ITGBL1: variants seen among roughly 807,000 people sequenced by gnomAD.
The protein encoded by ITGBL1 is integrin beta-like protein 1.
In ITGBL1, 51 loss-of-function variants were observed where a neutral mutation model predicts 68.5. That is an observed-to-expected ratio of 0.74 (90% CI 0.59 to 0.94). ITGBL1 has a LOEUF of 0.94. ITGBL1 is among the 40% of genes least tolerant of loss of function. The pLI is 0.00. For missense variants in ITGBL1, 649 were observed against 647.4 expected (o/e 1.00, Z -0.03); for synonymous variants, 209 against 227.3 (o/e 0.92, Z 0.72).
At chr13:101,633,425 T>C (rs779387610) in intron 7 of ITGBL1, among the ~76,000 whole-genome samples, 1 of 152,206 alleles carries the variant, frequency 6.6e-6, no homozygotes, top group Non-Finnish European at 1.5e-5. Context: ...GTTGATTTAC[T>C]GAAATAGGTT....
chr13:101,494,968 C>T (rs1237691481), intron 2 of ITGBL1, among the ~76,000 whole-genome samples: 2 of 152,204 alleles, frequency 1.3e-5, no homozygotes, highest in Middle Eastern at 3.4e-3. Context: ...AATAGGAATG[C>T]GTTAGACCAA....
At chr13:101,600,829 T>A (rs1261549846) in intron 7 of ITGBL1, among the ~76,000 whole-genome samples, 5 of 152,194 alleles carry the variant, frequency 3.3e-5, no homozygotes, top group African/African-American at 4.8e-5. Context: ...GTGTTGCTGG[T>A]TTCGGTTTGC....
intron 7 of ITGBL1, among the ~76,000 whole-genome samples, chr13:101,608,300 T>C (rs2030968019): frequency 6.6e-6 from 1 of 152,062 alleles, no homozygotes; most frequent in East Asian, 1.9e-4. Context: ...TCTTTCCTTT[T>C]TATTGGGAAA....
At chr13:101,619,333 A>G (rs138759676) in intron 7 of ITGBL1, among the ~76,000 whole-genome samples, 34 of 152,150 alleles carry the variant, frequency 2.2e-4, no homozygotes, top group African/African-American at 8.2e-4. Context: ...GGGTGTGCCC[A>G]ATACAATCAC....
chr13:101,671,941 T>G (rs2033389071), intron 7 of ITGBL1, among the ~76,000 whole-genome samples: 1 of 152,132 alleles, frequency 6.6e-6, no homozygotes, highest in Non-Finnish European at 1.5e-5. Context: ...GACTGAGATG[T>G]GATATTTAAG....
At chr13:101,565,993 C>T (rs2050177835) in intron 2 of ITGBL1, among the ~76,000 whole-genome samples, 1 of 151,994 alleles carries the variant, frequency 6.6e-6, no homozygotes, top group South Asian at 2.1e-4. Flanking sequence ...AAATTATTTC[C>T]CATCTCTACT....
chr13:101,544,414 G>A (rs1196974702), intron 2 of ITGBL1, among the ~76,000 whole-genome samples: 1 of 152,186 alleles, frequency 6.6e-6, no homozygotes, highest in African/African-American at 2.4e-5. Flanking sequence ...TCCTCTGGAA[G>A]TTTTGTCTCA....
chr13:101,595,445 C>T (rs111616248), intron 6 of ITGBL1, among the ~76,000 whole-genome samples: 3 of 152,034 alleles, frequency 2.0e-5, no homozygotes, highest in African/African-American at 7.2e-5. Flanking sequence ...TGCATTTCCA[C>T]GTGAGATTTG....
intron 2 of ITGBL1, among the ~76,000 whole-genome samples, chr13:101,531,670 T>G (rs548067488): frequency 1.7e-4 from 26 of 151,332 alleles, no homozygotes; most frequent in African/African-American, 6.3e-4. Flanking sequence ...TGATTTTGAT[T>G]TTTCTTGAAG....
rs191700175 is a variant in ITGBL1, at chr13:101,616,331, C to G, written c.1015+18032C>G. ...TGTATATCCAAGGTAGGATGGGAGT[C>G]TTTATTTGTAAGTAGATCTCCAGTG... On this transcript the variant is annotated intron_variant, in intron 7 of 10. Transcript: ENST00000376180. 3.7e-4 allele frequency among the ~76,000 whole-genome samples: 56 copies of G among 152,156 alleles called. 1 individual carries two copies. The highest frequency in any genetic ancestry group is 8.8e-5 in the Non-Finnish European group (6 of 67,992).
chr13:101,616,766 C>G (rs545101776), intron 7 of ITGBL1, among the ~76,000 whole-genome samples: 47 of 152,306 alleles, frequency 3.1e-4, no homozygotes, highest in African/African-American at 1.1e-3. Flanking sequence ...GCTGGGATTA[C>G]AGGTGTGAGC....
intron 7 of ITGBL1, among the ~76,000 whole-genome samples, chr13:101,683,476 T>G (rs2033688011): frequency 6.6e-6 from 1 of 152,068 alleles, no homozygotes; most frequent in African/African-American, 2.4e-5. Context: ...ATTCCGTAAT[T>G]GATGAACATT....
At chr13:101,670,773 T>C (rs1032992664) in intron 7 of ITGBL1, among the ~76,000 whole-genome samples, 3 of 152,198 alleles carry the variant, frequency 2.0e-5, no homozygotes, top group African/African-American at 7.2e-5. Context: ...GAATTAGGCT[T>C]ATTTAATATG....
chr13:101,595,518 A>C (rs188076084), intron 6 of ITGBL1, among the ~76,000 whole-genome samples: 1 of 152,210 alleles, frequency 6.6e-6, no homozygotes, highest in African/African-American at 2.4e-5. Flanking sequence ...AAATCAAACA[A>C]CCAGATTAAA....
At chr13:101,489,752 C>A (rs976376980) in intron 2 of ITGBL1, among the ~76,000 whole-genome samples, 5 of 151,862 alleles carry the variant, frequency 3.3e-5, no homozygotes, top group African/African-American at 1.2e-4. Context: ...AGGAAAAAAG[C>A]AAAACAAAGC....
intron 7 of ITGBL1, among the ~76,000 whole-genome samples, chr13:101,626,198 G>GACT (rs2031771807): frequency 6.6e-6 from 1 of 151,774 alleles, no homozygotes; most frequent in African/African-American, 2.4e-5. Flanking sequence ...GTGATTTGTA[G>GACT]TCTTCATAGA....
intron 6 of ITGBL1, 71 bp downstream of exon 6, chr13:101,583,427 A>G (rs1189338628): frequency 3.9e-6 from 5 of 1,285,374 alleles, no homozygotes; most frequent in Non-Finnish European, 5.2e-6. Context: ...AAAAAAAAAA[A>G]AAGCAATTAG....
intron 2 of ITGBL1, among the ~76,000 whole-genome samples, chr13:101,525,462 T>C (rs2049358866): frequency 1.1e-5 from 1 of 90,540 alleles, no homozygotes; most frequent in African/African-American, 4.5e-5. Context: ...TACATTTTCA[T>C]CACCTCCTTT....
chr13:101,674,789 T>G (rs938062486), intron 7 of ITGBL1, among the ~76,000 whole-genome samples: 2 of 152,096 alleles, frequency 1.3e-5, no homozygotes, highest in African/African-American at 4.8e-5. Context: ...GCTATTCTAG[T>G]ATCATAATAT....
Sources: allele counts gnomAD v4.1 joint callset (sites outside exome capture counted in the v4.1 genomes callset), GRCh38; gene constraint gnomAD v4.1.1; transcripts MANE v1.5; gene names NCBI Gene and HGNC (gene_info 2026-07-23, HGNC 2026-07-21).